Variants in LAMA2 observed in about 807,000 individuals in gnomAD.
LAMA2 encodes the protein laminin subunit alpha-2.
LAMA2 carries 269 observed loss-of-function variants against 364.8 expected under a neutral mutation model. The ratio of observed to expected loss-of-function variants is 0.74; its 90% CI spans 0.67 to 0.82. LAMA2 has a LOEUF of 0.82. LAMA2 is among the 40% of genes least tolerant of loss of function. The pLI is 0.00. For synonymous variants in LAMA2, 1,379 were observed against 1,370.6 expected, an observed-to-expected ratio of 1.01 and a Z score of -0.14; for missense variants, 3,807 against 3,873.2, an observed-to-expected ratio of 0.98 and a Z score of 0.45.
chr6:129,434,152 C>T (rs1323238110), intron 41 of LAMA2, among the ~76,000 whole-genome samples: 2 of 152,092 alleles, frequency 1.3e-5, no homozygotes, highest in Non-Finnish European at 2.9e-5. Flanking sequence ...ACATGATAAA[C>T]AAGAGTAACT....
At chr6:128,896,409 A>AT (rs1170937153) in intron 1 of LAMA2, among the ~76,000 whole-genome samples, 2,792 of 140,128 alleles carry the variant, frequency 0.02, 30 homozygotes, top group African/African-American at 0.024. Context: ...CCCTCCTTCC[A>AT]TTTTTTTTTT....
intron 14 of LAMA2, among the ~76,000 whole-genome samples, chr6:129,254,284 AAGG>A (rs552195471): frequency 6.6e-6 from 1 of 152,218 alleles, no homozygotes; most frequent in Non-Finnish European, 1.5e-5. Flanking sequence ...TGTATAACAG[AAGG>A]AGAACTGGAC....
rs183754897 is a variant in LAMA2 at position 129,203,450 on chromosome 6, G to T, written c.1782+10597G>T. ...GCAGTATTATGTCAATTCTAAACCT[G>T]GCATTTTGTTTACTGTTGTTGAGTG... On this transcript the variant is annotated intron_variant, in intron 12 of 64. Coordinates refer to ENST00000421865, the MANE Select transcript of LAMA2 (RefSeq NM_000426.4). Among the ~76,000 whole-genome samples, 292 of 152,238 alleles carry T rather than the reference G, an allele frequency of 1.9e-3. 1 individual carries two copies. The highest frequency in any genetic ancestry group is 4.8e-3 in the Admixed American group (73 of 15,304).
At chr6:128,983,011 A>G (rs1230211858) in intron 1 of LAMA2, among the ~76,000 whole-genome samples, 1 of 149,924 alleles carries the variant, frequency 6.7e-6, no homozygotes, top group Non-Finnish European at 1.5e-5. Context: ...CCAGTCTATC[A>G]TTGTTGTACA....
intron 27 of LAMA2, among the ~76,000 whole-genome samples, 179 bp from the exon 28 acceptor site, chr6:129,320,359 C>T (rs572055380): frequency 6.6e-6 from 1 of 152,122 alleles, no homozygotes; most frequent in South Asian, 2.1e-4. Flanking sequence ...AGTTCAAGCC[C>T]ATATTGTTCA....
In LAMA2 at chr6:129,178,010, G is replaced by T. The variant is rs1024225064; in HGVS notation, c.1467+144G>T. 8 of 838,282 alleles carry T rather than the reference G, an allele frequency of 9.5e-6. No homozygotes were observed. The African/African-American group carries it at 1.3e-4, about 14-fold the overall frequency. 51.9% of individuals were successfully genotyped at this position (838,282 alleles called of 1,614,324 possible). A position where few individuals can be genotyped will look rare whatever the true frequency, so the allele number is the denominator to read the frequency against. On this transcript the variant is annotated intron_variant, in intron 10 of 64. Coordinates refer to ENST00000421865, the MANE Select transcript of LAMA2 (RefSeq NM_000426.4). ...TATTCTACGTGTGGTGACCCACCAG[G>T]TTCACTGTAGCAGGATGTTTATAAG...
At chr6:129,364,470 T>C (rs2114615859) in intron 32 of LAMA2, among the ~76,000 whole-genome samples, 1 of 151,354 alleles carries the variant, frequency 6.6e-6, no homozygotes, top group South Asian at 2.1e-4. Context: ...CATGAGAGTA[T>C]ATTATAAATG....
intron 9 of LAMA2, among the ~76,000 whole-genome samples, chr6:129,167,709 C>T (rs1415643812): frequency 1.3e-5 from 2 of 152,042 alleles, no homozygotes; most frequent in African/African-American, 2.4e-5. Context: ...AGGGTATTTC[C>T]AGTTCTAGAT....
intron 49 of LAMA2, among the ~76,000 whole-genome samples, chr6:129,463,534 G>A (rs1783376162): frequency 1.3e-5 from 2 of 151,926 alleles, no homozygotes; most frequent in African/African-American, 2.4e-5. Context: ...AGATAGGTAG[G>A]TAGATAGACA....
At position 129,109,649 on chromosome 6, in the gene LAMA2, A is replaced by G. The variant is rs935565618; in HGVS notation, c.639+11234A>G. Reference sequence around the variant, plus strand: ...TAAAAGATATATATTTCTCCAAACTATAGGTAATTATATCAATATTACTTT... The same window carrying G: ...TAAAAGATATATATTTCTCCAAACTGTAGGTAATTATATCAATATTACTTT... On this transcript the variant is annotated intron_variant, in intron 4 of 64. Transcript: ENST00000421865. Among the ~76,000 whole-genome samples, 3 of 152,192 alleles carry G rather than the reference A, an allele frequency of 2.0e-5. No homozygotes were observed. The East Asian group carries it at 5.8e-4, about 29-fold the overall frequency.
chr6:129,291,555 C>G (rs1055235327), intron 19 of LAMA2, 59 bp from the exon 20 acceptor site: 10 of 1,161,552 alleles, frequency 8.6e-6, no homozygotes, highest in Non-Finnish European at 1.3e-5. Context: ...TATTATTTAA[C>G]AAGCCTATTA....
intron 1 of LAMA2, among the ~76,000 whole-genome samples, chr6:128,939,106 A>G (rs987654653): frequency 6.6e-6 from 1 of 152,032 alleles, no homozygotes; most frequent in African/African-American, 2.4e-5. Context: ...TTCAATTCCA[A>G]CTCAGGTTCA....
At chr6:128,905,575 T>C (rs1289015906) in intron 1 of LAMA2, 1 of 152,112 alleles carries the variant, frequency 6.6e-6, no homozygotes, top group Non-Finnish European at 1.5e-5. Flanking sequence ...AAACAGCATT[T>C]TAAAGGTATA....
chr6:129,370,139 T>C lies in LAMA2; in HGVS notation c.4959+149T>C, dbSNP rs1017054693. On this transcript the variant is annotated intron_variant, in intron 34 of 64. Coordinates refer to ENST00000421865, the MANE Select transcript of LAMA2 (RefSeq NM_000426.4). ...ATGTATTCTGACTTGCTAATTCTGCTTCAAATCAAATCATAGAAATCAGTA... is the reference window on the plus strand; with the variant it reads ...ATGTATTCTGACTTGCTAATTCTGCCTCAAATCAAATCATAGAAATCAGTA... The C allele has an allele frequency of 1.5e-5, 11 of 727,746 alleles. No homozygotes were observed. The African/African-American group carries it at 1.8e-4, about 12-fold the overall frequency. 45.1% of individuals were successfully genotyped at this position (727,746 alleles called of 1,614,324 possible).
chr6:129,429,136 A>G (rs1781468579), intron 41 of LAMA2, among the ~76,000 whole-genome samples: 1 of 152,202 alleles, frequency 6.6e-6, no homozygotes, highest in Admixed American at 6.5e-5. Flanking sequence ...TTCAAATGCC[A>G]TCATTTCCAG....
intron 4 of LAMA2, among the ~76,000 whole-genome samples, chr6:129,113,935 A>G (rs1456654926): frequency 6.6e-6 from 1 of 152,064 alleles, no homozygotes; most frequent in Admixed American, 6.6e-5. Context: ...AAAATAGCAC[A>G]GTTGGTGCCT....
In LAMA2 at chr6:129,037,625, G is replaced by A. The variant is rs571327416; in HGVS notation, c.113-12293G>A. Among the ~76,000 whole-genome samples the A allele has an allele frequency of 3.6e-4, 54 of 151,862 alleles. 1 individual carries two copies. Among genetic ancestry groups the A allele is most frequent in the African/African-American group, 1.2e-3 (51 of 41,414 alleles). On this transcript the variant is annotated intron_variant, in intron 1 of 64. Transcript: ENST00000421865. The stretch of plus-strand genomic sequence containing the variant: ...AAAAATATAATAATATGCCAAGTAC[G>A]GACAATGAAGACAGCTACTCCACAA...
At position 129,287,934 on chromosome 6, in the gene LAMA2, C is replaced by T. The variant is rs375932294; in HGVS notation, c.2625C>T (p.Ile875=). ...CQCNDNLDFS[I]PGSCDSLSGS... ...GCAATGACAACCTTGACTTCTCCATCCCTGGCAGCTGTGACAGCTTGTCTG... is the reference window on the plus strand; with the variant it reads ...GCAATGACAACCTTGACTTCTCCATTCCTGGCAGCTGTGACAGCTTGTCTG... Residue 875 remains isoleucine, a synonymous_variant, in exon 19 of 65, where the codon ATC becomes ATT. Coordinates refer to ENST00000421865, the MANE Select transcript of LAMA2 (RefSeq NM_000426.4). The T allele has an allele frequency of 5.6e-6, 9 of 1,614,116 alleles. No homozygotes were observed. The highest frequency in any genetic ancestry group is 1.6e-4 in the Middle Eastern group (1 of 6,062).
At chr6:129,286,979 G>GAA (rs1491466503) in intron 18 of LAMA2, among the ~76,000 whole-genome samples, 1 of 41,092 alleles carries the variant, frequency 2.4e-5, no homozygotes. Context: ...GAAACAGAGA[G>GAA]GAAGGAAGGA....
Sources: gnomAD v4.1 joint callset for allele counts (sites outside exome capture counted in the v4.1 genomes callset) on GRCh38, gnomAD v4.1.1 for gene constraint, MANE v1.5 for transcripts, NCBI Gene and HGNC (gene_info 2026-07-23, HGNC 2026-07-21) for gene names.